ERBB4: variants seen among roughly 807,000 people sequenced by gnomAD.
ERBB4 encodes erb-b2 receptor tyrosine kinase 4.
In ERBB4, 42 loss-of-function variants were observed where a neutral mutation model predicts 158.0. That is an observed-to-expected ratio of 0.27 (90% CI 0.21 to 0.34). The LOEUF is 0.34. Among genes scored for constraint, ERBB4 ranks in the 10% least tolerant of loss-of-function variants. ERBB4 has a pLI of 1.00. For missense variants in ERBB4, 1,333 were observed against 1,624.1 expected, an observed-to-expected ratio of 0.82 and a Z score of 3.08; for synonymous variants, 583 against 558.7, an observed-to-expected ratio of 1.04 and a Z score of -0.61.
intron 12 of ERBB4, among the ~76,000 whole-genome samples, chr2:211,693,426 T>C (rs2072895475): frequency 6.6e-6 from 1 of 152,186 alleles, no homozygotes; most frequent in South Asian, 2.1e-4. Flanking sequence ...TTTTTAGAGT[T>C]AGCTCTTTAT....
intron 19 of ERBB4, among the ~76,000 whole-genome samples, chr2:211,617,113 C>A (rs1173875200): frequency 6.6e-6 from 1 of 151,880 alleles, no homozygotes; most frequent in Non-Finnish European, 1.5e-5. Flanking sequence ...GAGATTTTTT[C>A]TTAGGTGTGA....
In ERBB4 at chr2:212,227,264, T is replaced by C. The variant is rs548280295; in HGVS notation, c.83-102361A>G. 2.0e-5 allele frequency among the ~76,000 whole-genome samples: 3 copies of C among 146,694 alleles called. No homozygotes were observed. In the East Asian group the frequency reaches 5.9e-4, roughly 29 times the overall value. The stretch of plus-strand genomic sequence containing the variant: ...CACCTCAAAAAAAAAAAAAAAATCA[T>C]ATAGTAAAATGGAGATTACAAGCAG... On this transcript the variant is annotated intron_variant, in intron 1 of 27. Coordinates refer to ENST00000342788, the MANE Select transcript of ERBB4 (RefSeq NM_005235.3).
intron 3 of ERBB4, among the ~76,000 whole-genome samples, chr2:211,901,478 C>A (rs2079234376): frequency 6.6e-6 from 1 of 152,090 alleles, no homozygotes; most frequent in Admixed American, 6.6e-5. Context: ...TGAAGGAGCG[C>A]TCCAAATGTC....
At chr2:211,422,268 T>G (rs2063528714) in intron 23 of ERBB4, among the ~76,000 whole-genome samples, 164 bp from the exon 24 acceptor site, 1 of 151,960 alleles carries the variant, frequency 6.6e-6, no homozygotes, top group Non-Finnish European at 1.5e-5. Context: ...TTGGTAAGGC[T>G]TTATCGGTCT....
chr2:212,141,002 T>A (rs1411449791), intron 1 of ERBB4, among the ~76,000 whole-genome samples: 1 of 151,716 alleles, frequency 6.6e-6, no homozygotes, highest in African/African-American at 2.4e-5. Flanking sequence ...TTACTAATTA[T>A]TTATCTCTTC....
chr2:211,689,362 T>A (rs1398807256), intron 12 of ERBB4, among the ~76,000 whole-genome samples: 1 of 152,106 alleles, frequency 6.6e-6, no homozygotes, highest in Non-Finnish European at 1.5e-5. Flanking sequence ...ACCTGGCTAC[T>A]TTTTTGTTGT....
intron 3 of ERBB4, among the ~76,000 whole-genome samples, chr2:211,804,653 C>T (rs2076573556): frequency 6.6e-6 from 1 of 152,092 alleles, no homozygotes; most frequent in East Asian, 1.9e-4. Flanking sequence ...GCTCTATAAA[C>T]ACGCCAGGTA....
intron 25 of ERBB4, among the ~76,000 whole-genome samples, chr2:211,395,586 G>A (rs941414548): frequency 1.4e-5 from 2 of 145,716 alleles, no homozygotes; most frequent in South Asian, 2.2e-4. Context: ...ATTAATATAC[G>A]CAAAGTAAAT....
At chr2:211,622,716 A>C (rs943466499) in intron 18 of ERBB4, among the ~76,000 whole-genome samples, 3 of 151,486 alleles carry the variant, frequency 2.0e-5, no homozygotes, top group African/African-American at 7.3e-5. Flanking sequence ...CTCTAATCCT[A>C]GCACTTTGGG....
intron 2 of ERBB4, among the ~76,000 whole-genome samples, chr2:212,069,604 A>C (rs532635481): frequency 6.6e-6 from 1 of 152,218 alleles, no homozygotes; most frequent in African/African-American, 2.4e-5. Context: ...CGGTTTAAAC[A>C]TTCAGATTGG....
chr2:211,757,015 T>C (rs1205179313), intron 4 of ERBB4, among the ~76,000 whole-genome samples: 4 of 152,174 alleles, frequency 2.6e-5, no homozygotes, highest in Admixed American at 2.6e-4. Flanking sequence ...TGTAAACCAC[T>C]CATATAATAG....
intron 1 of ERBB4, among the ~76,000 whole-genome samples, chr2:212,179,117 T>C (rs991835692): frequency 1.3e-5 from 2 of 151,670 alleles, no homozygotes; most frequent in African/African-American, 4.8e-5. Context: ...AGAATCATTA[T>C]ACTGGAGTAT....
chr2:211,401,439 T>C (rs2063040414), intron 25 of ERBB4, among the ~76,000 whole-genome samples: 1 of 151,966 alleles, frequency 6.6e-6, no homozygotes, highest in Non-Finnish European at 1.5e-5. Flanking sequence ...CCTAATAAGA[T>C]ATATCTCAGA....
At chr2:211,753,161 AGAGAT>A (rs139889289) in intron 4 of ERBB4, among the ~76,000 whole-genome samples, 71,199 of 151,750 alleles carry the variant, frequency 0.47, 16,959 homozygotes, top group Middle Eastern at 0.59. Flanking sequence ...ATATCTGATT[AGAGAT>A]ATTTATGAAT....
At chr2:211,795,090 C>T (rs1230820737) in intron 3 of ERBB4, among the ~76,000 whole-genome samples, 1 of 151,784 alleles carries the variant, frequency 6.6e-6, no homozygotes, top group African/African-American at 2.4e-5. Flanking sequence ...ATTCTCCCCA[C>T]AAATCCATCT....
intron 20 of ERBB4, among the ~76,000 whole-genome samples, chr2:211,560,958 C>A (rs565146715): frequency 1.6e-4 from 24 of 152,124 alleles, no homozygotes; most frequent in South Asian, 1.2e-3. Context: ...TTATATTGTA[C>A]AAACGTATAG....
chr2:211,682,085 C>CACACACACACACACACACACAA, intron 12 of ERBB4, among the ~76,000 whole-genome samples: 1 of 149,838 alleles, frequency 6.7e-6, no homozygotes, highest in African/African-American at 2.5e-5. Context: ...CACACACACA[C>CACACACACACACACACACACAA]ACACACAATT....
At chr2:211,467,160 A>T (rs2064714569) in intron 20 of ERBB4, among the ~76,000 whole-genome samples, 1 of 152,242 alleles carries the variant, frequency 6.6e-6, no homozygotes, top group Non-Finnish European at 1.5e-5. Flanking sequence ...TGTAGGTTTC[A>T]TTGATAGTAA....
At chr2:211,996,795 G>C (rs768733325) in intron 2 of ERBB4, among the ~76,000 whole-genome samples, 1 of 152,146 alleles carries the variant, frequency 6.6e-6, no homozygotes, top group Non-Finnish European at 1.5e-5. Context: ...CAATGAGTAA[G>C]AGAAACATCT....
Sources: allele counts gnomAD v4.1 joint callset (sites outside exome capture counted in the v4.1 genomes callset), GRCh38; gene constraint gnomAD v4.1.1; transcripts MANE v1.5; gene names NCBI Gene and HGNC (gene_info 2026-07-23, HGNC 2026-07-21).